The following PEPD variants were observed in gnomAD, a reference collection of about 807,000 sequenced individuals.
PEPD encodes peptidase D, also known as xaa-Pro dipeptidase.
PEPD carries 53 observed loss-of-function variants against 60.7 expected under a neutral mutation model. The ratio of observed to expected loss-of-function variants is 0.87; its 90% CI spans 0.70 to 1.10. The LOEUF (loss-of-function observed/expected upper bound fraction) is 1.10, where lower values mean the gene tolerates loss of function less well. Among genes scored for constraint, PEPD ranks in the 50% least tolerant of loss-of-function variants. The pLI is 0.00. For missense variants in PEPD, 711 were observed against 711.9 expected, an observed-to-expected ratio of 1.00 and a Z score of 0.01; for synonymous variants, 267 against 284.1, an observed-to-expected ratio of 0.94 and a Z score of 0.60.
chr19:33,411,134 C>A (rs187481858), intron 11 of PEPD, among the ~76,000 whole-genome samples: 1 of 152,192 alleles, frequency 6.6e-6, no homozygotes, highest in African/African-American at 2.4e-5. Context: ...ACTGTGAGCA[C>A]GGCACATCGT....
intron 9 of PEPD, among the ~76,000 whole-genome samples, chr19:33,439,848 A>G (rs1274806001): frequency 6.6e-6 from 1 of 152,172 alleles, no homozygotes; most frequent in East Asian, 1.9e-4. Context: ...AACTCCCTGG[A>G]GCAAATGCCA....
rs183041224 is a variant in PEPD, at chr19:33,495,874, G to A, written c.394-2537C>T. ...TTGGTGACTGTAATCCCAGCTACTC[G>A]GGAGGCTGAGGTAGGAGAACCGCTT... is the stretch of plus-strand genomic sequence containing the variant. On this transcript the variant is annotated intron_variant, in intron 4 of 14. Coordinates refer to ENST00000244137, the MANE Select transcript of PEPD (RefSeq NM_000285.4). 3.3e-4 allele frequency among the ~76,000 whole-genome samples: 50 copies of A among 152,136 alleles called. No homozygotes were observed. In the East Asian group the frequency reaches 6.2e-3, roughly 19 times the overall value.
At chr19:33,491,122 A>G (rs1600158168) in intron 5 of PEPD, among the ~76,000 whole-genome samples, 1 of 152,340 alleles carries the variant, frequency 6.6e-6, no homozygotes, top group South Asian at 2.1e-4. Flanking sequence ...AAAGGGGCCA[A>G]GTGCTAAAGG....
intron 4 of PEPD, among the ~76,000 whole-genome samples, chr19:33,494,308 T>C (rs1262602046): frequency 6.6e-6 from 1 of 152,198 alleles, no homozygotes; most frequent in Non-Finnish European, 1.5e-5. Flanking sequence ...GAGGAGAACT[T>C]GTTGTTGTTT....
intron 12 of PEPD, among the ~76,000 whole-genome samples, chr19:33,397,134 G>A (rs1027841758): frequency 1.3e-5 from 2 of 152,164 alleles, no homozygotes; most frequent in Non-Finnish European, 2.9e-5. Flanking sequence ...ACTCCCAGCC[G>A]CCAGGGTAGG....
At chr19:33,455,452 GATAA>G (rs1969777563) in intron 9 of PEPD, among the ~76,000 whole-genome samples, 1 of 151,578 alleles carries the variant, frequency 6.6e-6, no homozygotes, top group South Asian at 2.1e-4. Context: ...TTAAACTCGT[GATAA>G]ATATTTATCT....
At chr19:33,519,774 C>G (rs1188625808) in intron 1 of PEPD, among the ~76,000 whole-genome samples, 1 of 152,128 alleles carries the variant, frequency 6.6e-6, no homozygotes, top group African/African-American at 2.4e-5. Flanking sequence ...TAGAAAAGCT[C>G]TCATTCTGGG....
At chr19:33,412,558 G>A (rs952293967) in intron 10 of PEPD, among the ~76,000 whole-genome samples, 1 of 152,188 alleles carries the variant, frequency 6.6e-6, no homozygotes, top group Non-Finnish European at 1.5e-5. Flanking sequence ...CTTCCCTAAT[G>A]AGCGATGCCT....
In PEPD at chr19:33,479,750, C is replaced by T. The variant is rs567413955; in HGVS notation, c.504-1660G>A. ...TCCATGTTCTTGCAAAGGACATGAT[C>T]TCATTCTTTTTTATGGTTGCATAGT... On this transcript the variant is annotated intron_variant, in intron 6 of 14. Coordinates refer to ENST00000244137, the MANE Select transcript of PEPD (RefSeq NM_000285.4). Among the ~76,000 whole-genome samples, 3 of 152,324 alleles carry T rather than the reference C, an allele frequency of 2.0e-5. No homozygotes were observed. In the South Asian group the frequency reaches 6.2e-4, roughly 32 times the overall value.
intron 4 of PEPD, among the ~76,000 whole-genome samples, chr19:33,496,205 A>G (rs2145327717): frequency 6.6e-6 from 1 of 152,302 alleles, no homozygotes; most frequent in Middle Eastern, 3.4e-3. Context: ...TGGGGATTGT[A>G]TCTGCTATCG....
intron 7 of PEPD, among the ~76,000 whole-genome samples, chr19:33,469,178 C>T (rs1236925003): frequency 2.6e-5 from 4 of 152,208 alleles, no homozygotes; most frequent in Admixed American, 1.3e-4. Context: ...CTTCATTCGG[C>T]TTAGATCCCT....
chr19:33,492,939 C>T (rs1044857105), intron 5 of PEPD, among the ~76,000 whole-genome samples: 12 of 152,110 alleles, frequency 7.9e-5, no homozygotes, highest in African/African-American at 1.7e-4. Context: ...CACAGTGGCG[C>T]GATCATACCT....
At position 33,410,429 on chromosome 19, in the gene PEPD, C is replaced by A. The variant is rs1235028856; in HGVS notation, c.818+1243G>T. Among the ~76,000 whole-genome samples, 4 of 152,198 alleles carry A rather than the reference C, an allele frequency of 2.6e-5. 1 individual carries two copies. Among genetic ancestry groups the A allele is most frequent in the African/African-American group, 9.6e-5 (4 of 41,452 alleles). On this transcript the variant is annotated intron_variant, in intron 11 of 14. Coordinates refer to ENST00000244137, the MANE Select transcript of PEPD (RefSeq NM_000285.4). Reference sequence around the variant, plus strand: ...GCTCAACGCTCGGCAGCTCTCTGGGCAGCTGGTTGTCTGTCCATAGGTCTG... The same window carrying A: ...GCTCAACGCTCGGCAGCTCTCTGGGAAGCTGGTTGTCTGTCCATAGGTCTG...
intron 9 of PEPD, among the ~76,000 whole-genome samples, chr19:33,444,800 C>G (rs1969561846): frequency 6.6e-6 from 1 of 152,116 alleles, no homozygotes; most frequent in Admixed American, 6.5e-5. Flanking sequence ...ACCCGCCACA[C>G]CCCATCCACC....
chr19:33,442,010 A>G (rs985877495), intron 9 of PEPD, among the ~76,000 whole-genome samples: 2 of 152,190 alleles, frequency 1.3e-5, no homozygotes, highest in Admixed American at 1.3e-4. Context: ...GGGGCCAAAG[A>G]TCAGGGTTCA....
At chr19:33,393,637 C>T (rs900280727) in intron 12 of PEPD, among the ~76,000 whole-genome samples, 12 of 152,172 alleles carry the variant, frequency 7.9e-5, no homozygotes, top group African/African-American at 1.4e-4. Flanking sequence ...GGCAGCACCC[C>T]GGACAGTGGC....
At chr19:33,415,076 G>A (rs921316157) in intron 9 of PEPD, among the ~76,000 whole-genome samples, 6 of 152,202 alleles carry the variant, frequency 3.9e-5, no homozygotes, top group East Asian at 1.9e-4. Context: ...AGGCCAGACA[G>A]GCAGCCTCAG....
chr19:33,395,004 G>A (rs914446144), intron 12 of PEPD: 3 of 152,244 alleles, frequency 2.0e-5, no homozygotes, highest in Admixed American at 6.5e-5. Flanking sequence ...GGCCCCGGAC[G>A]AAGCCCAGGT....
chr19:33,511,429 C>CG, intron 2 of PEPD: 4 of 440,986 alleles, frequency 9.1e-6, no homozygotes, highest in Non-Finnish European at 1.7e-5. Context: ...TCCCCACCCC[C>CG]GGGCCCACAA....
Sources: allele counts gnomAD v4.1 joint callset (sites outside exome capture counted in the v4.1 genomes callset), GRCh38; gene constraint gnomAD v4.1.1; transcripts MANE v1.5; gene names NCBI Gene and HGNC (gene_info 2026-07-23, HGNC 2026-07-21).